OR2C1: variants seen among roughly 807,000 people sequenced by gnomAD.
OR2C1 encodes olfactory receptor 2C1.
For synonymous variants in OR2C1, 209 were observed against 167.3 expected (o/e 1.25, Z -1.92); for missense variants, 468 against 388.3 (o/e 1.21, Z -1.73).
chr16:3,336,712 C>CTTTTTTTT, the OR2C1 span, among the ~76,000 whole-genome samples: 2 of 96,786 alleles, frequency 2.1e-5, no homozygotes, highest in African/African-American at 8.3e-5. Flanking sequence ...TTCTTTCTTT[C>CTTTTTTTT]TTTTTTTTTT....
At chr16:3,325,558 A>G in the OR2C1 span, among the ~76,000 whole-genome samples, 1 of 149,540 alleles carries the variant, frequency 6.7e-6, no homozygotes, top group Non-Finnish European at 1.5e-5. Context: ...CTGTTGGAAA[A>G]ATGGCAGCGA....
At chr16:3,357,366 T>G (rs566434055), downstream of OR2C1, 1 of 157,820 alleles carries the variant, frequency 6.3e-6, no homozygotes, top group African/African-American at 2.4e-5. Flanking sequence ...GCCTACCTCT[T>G]TTTGTCTCTT....
the OR2C1 span, among the ~76,000 whole-genome samples, chr16:3,350,432 G>C: frequency 6.7e-6 from 1 of 149,668 alleles, no homozygotes; most frequent in African/African-American, 2.5e-5. Flanking sequence ...TTTTTTTTGA[G>C]ATGGAGTCTT....
chr16:3,327,026 G>A, the OR2C1 span, among the ~76,000 whole-genome samples: 9 of 152,104 alleles, frequency 5.9e-5, no homozygotes, highest in South Asian at 2.1e-4. Flanking sequence ...CATTGTAACC[G>A]AAATAATTCT....
chr16:3,343,418 C>T, the OR2C1 span, among the ~76,000 whole-genome samples: 5 of 152,164 alleles, frequency 3.3e-5, no homozygotes, highest in South Asian at 4.1e-4. Flanking sequence ...TACAACTTTA[C>T]GTGGACATAC....
the OR2C1 span, among the ~76,000 whole-genome samples, chr16:3,329,510 C>T: frequency 4.0e-5 from 6 of 151,746 alleles, no homozygotes; most frequent in African/African-American, 7.3e-5. Flanking sequence ...AGTGCAGTGG[C>T]GCGATCTCAG....
chr16:3,356,362 G>T lies in OR2C1; in HGVS notation c.422G>T (p.Cys141Phe). The change falls in exon 1 of 1, where the codon TGC (cysteine) becomes TTC (phenylalanine). Residue 141 changes from cysteine to phenylalanine, a missense_variant. By Grantham distance (205) the Cys-to-Phe change is radical. Transcript: ENST00000304936. ...RYTAIMNPQL[C>F]WLLAVIACLG... is the part of the protein sequence containing the mutation. ...ACCGCCATCATGAACCCCCAGCTCT[G>T]CTGGCTGCTGGCTGTGATTGCCTGC... 1 of 1,613,624 alleles carries T rather than the reference G, an allele frequency of 6.2e-7. No homozygotes were observed. Among genetic ancestry groups the T allele is most frequent in the Non-Finnish European group, 8.5e-7 (1 of 1,180,032 alleles).
At chr16:3,338,496 T>C in the OR2C1 span, among the ~76,000 whole-genome samples, 1 of 150,494 alleles carries the variant, frequency 6.6e-6, no homozygotes, top group Non-Finnish European at 1.5e-5. Flanking sequence ...TTCTCTTGGT[T>C]TTGGTTTTCT....
upstream of OR2C1, among the ~76,000 whole-genome samples, chr16:3,355,480 A>C (rs966067053): frequency 7.2e-6 from 1 of 137,992 alleles, no homozygotes; most frequent in Non-Finnish European, 1.6e-5. Flanking sequence ...AAAGCTTGCA[A>C]TCTTAAAAAG....
Position 3,357,290 on chromosome 16 carries a change from A to G in OR2C1, c.*411A>G, listed in dbSNP as rs2030697186. 1 of 175,620 alleles carries G rather than the reference A, an allele frequency of 5.7e-6. No homozygotes were observed. Among genetic ancestry groups the G allele is most frequent in the African/African-American group, 2.4e-5 (1 of 41,656 alleles). The allele number at this position is 175,620 out of a possible 1,614,324, so 10.9% of individuals were successfully genotyped here. ...TACTATAATTCCATAAAATCAAGCC[A>G]TGTATTATTAACTTCATATGAAGAC... is the stretch of plus-strand genomic sequence containing the variant. On this transcript the variant is annotated 3_prime_UTR_variant, in exon 1 of 1. Transcript: ENST00000304936.
chr16:3,323,121 C>CA, the OR2C1 span: 503 of 529,820 alleles, frequency 9.5e-4, 1 homozygote, highest in African/African-American at 9.2e-3. Flanking sequence ...AAAAAAATCT[C>CA]AAAAAAACAA....
At chr16:3,353,427 G>C (rs1372087278), upstream of OR2C1, among the ~76,000 whole-genome samples, 1 of 147,346 alleles carries the variant, frequency 6.8e-6, no homozygotes, top group Admixed American at 6.9e-5. Flanking sequence ...GGAGGTGGAG[G>C]TTGCAGTGAG....
chr16:3,341,896 C>T, the OR2C1 span, among the ~76,000 whole-genome samples: 2 of 152,190 alleles, frequency 1.3e-5, no homozygotes, highest in Non-Finnish European at 2.9e-5. Flanking sequence ...AGCTTCAAAG[C>T]ATGTCTTGGT....
At chr16:3,324,528 T>C in the OR2C1 span, among the ~76,000 whole-genome samples, 4 of 152,224 alleles carry the variant, frequency 2.6e-5, no homozygotes, top group African/African-American at 9.6e-5. Flanking sequence ...CAAATCAAAG[T>C]ACTCACTCTA....
upstream of OR2C1, among the ~76,000 whole-genome samples, chr16:3,351,483 A>T (rs1337913956): frequency 1.3e-5 from 2 of 152,122 alleles, no homozygotes; most frequent in Non-Finnish European, 2.9e-5. Context: ...GTCTGAGAAA[A>T]AAATAATTGG....
At chr16:3,343,625 G>C in the OR2C1 span, among the ~76,000 whole-genome samples, 2 of 152,082 alleles carry the variant, frequency 1.3e-5, no homozygotes, top group African/African-American at 4.8e-5. Context: ...GGTGGTGGGC[G>C]CCTGTAGTCC....
chr16:3,347,523 C>A, the OR2C1 span, among the ~76,000 whole-genome samples: 1 of 151,414 alleles, frequency 6.6e-6, no homozygotes, highest in Non-Finnish European at 1.5e-5. Context: ...GTGCAGTGTC[C>A]CCTCCTCCGT....
chr16:3,329,213 C>G, the OR2C1 span, among the ~76,000 whole-genome samples: 2 of 150,436 alleles, frequency 1.3e-5, no homozygotes, highest in Non-Finnish European at 3.0e-5. Flanking sequence ...CACACACACA[C>G]AGCTTAGCTA....
At chr16:3,336,674 C>CTTTTTTTTT in the OR2C1 span, among the ~76,000 whole-genome samples, 1 of 116,280 alleles carries the variant, frequency 8.6e-6, no homozygotes, top group African/African-American at 3.4e-5. Context: ...GTTTCTTTTT[C>CTTTTTTTTT]TTTTTTTTTT....
Sources: gnomAD v4.1 joint callset for allele counts (sites outside exome capture counted in the v4.1 genomes callset) on GRCh38, gnomAD v4.1.1 for gene constraint, MANE v1.5 for transcripts, NCBI Gene and HGNC (gene_info 2026-07-23, HGNC 2026-07-21) for gene names.